The following CACTIN variants were observed in gnomAD, a reference collection of about 807,000 sequenced individuals.
CACTIN encodes the protein cactin, spliceosome C complex subunit.
CACTIN carries 20 observed loss-of-function variants against 84.9 expected under a neutral mutation model. That is an observed-to-expected ratio of 0.24 (90% confidence interval 0.17 to 0.34). The LOEUF is 0.34. Among genes scored for constraint, CACTIN ranks in the 10% least tolerant of loss-of-function variants. CACTIN has a pLI of 1.00. For synonymous variants in CACTIN, 549 were observed against 467.9 expected, an observed-to-expected ratio of 1.17 and a Z score of -2.24; for missense variants, 897 against 1,117.2, an observed-to-expected ratio of 0.80 and a Z score of 2.81.
intron 3 of CACTIN, 163 bp from the exon 4 acceptor site, chr19:3,620,435 G>T: frequency 1.2e-6 from 1 of 845,990 alleles, no homozygotes; most frequent in South Asian, 1.4e-5. Context: ...AAGGGAGAGG[G>T]CCCTCCTGCC....
At chr19:3,612,750 G>A (rs1474006696) in intron 9 of CACTIN, 7 of 697,746 alleles carry the variant, frequency 1.0e-5, no homozygotes, top group South Asian at 7.5e-5. Context: ...TGGCCCAGGG[G>A]TTTTCTGAAG....
At chr19:3,620,613 T>A (rs537587406) in intron 3 of CACTIN, 94 bp downstream of exon 3, 8 of 979,350 alleles carry the variant, frequency 8.2e-6, no homozygotes, top group Non-Finnish European at 1.2e-5. Flanking sequence ...CCCCCAGGAC[T>A]TCCCACTTAA....
At chr19:3,625,188 A>C (rs1257934166) in intron 1 of CACTIN, among the ~76,000 whole-genome samples, 1 of 152,190 alleles carries the variant, frequency 6.6e-6, no homozygotes, top group African/African-American at 2.4e-5. Flanking sequence ...CACTGCGCTC[A>C]GTCACGTTTA....
intron 6 of CACTIN, among the ~76,000 whole-genome samples, chr19:3,618,246 C>T (rs1229786241): frequency 6.7e-6 from 1 of 149,808 alleles, no homozygotes; most frequent in African/African-American, 2.5e-5. Flanking sequence ...CTGGGGACAT[C>T]TGCGGTTGTC....
intron 6 of CACTIN, chr19:3,614,792 G>A (rs1417137224): frequency 3.5e-5 from 21 of 602,152 alleles, no homozygotes; most frequent in Non-Finnish European, 5.9e-5. Flanking sequence ...GCGGAGGTTG[G>A]GAGCCACGTT....
At chr19:3,622,363 CAAAAA>C (rs34766613) in intron 2 of CACTIN, among the ~76,000 whole-genome samples, 83 of 88,148 alleles carry the variant, frequency 9.4e-4, no homozygotes, top group African/African-American at 3.9e-3. Flanking sequence ...GACTCCATCT[CAAAAA>C]AAAAAAAAAA....
chr19:3,614,280 T>C (rs2033054152), intron 7 of CACTIN, 117 bp downstream of exon 7: 6 of 1,083,384 alleles, frequency 5.5e-6, no homozygotes, highest in Non-Finnish European at 6.7e-6. Flanking sequence ...TTCCTGCCCC[T>C]CTCCACCCCA....
chr19:3,626,083 G>T (rs977898852), intron 1 of CACTIN, among the ~76,000 whole-genome samples: 1 of 151,942 alleles, frequency 6.6e-6, no homozygotes, highest in African/African-American at 2.4e-5. Flanking sequence ...CACTTTGCCC[G>T]CTGTGGTTGA....
intron 6 of CACTIN, among the ~76,000 whole-genome samples, chr19:3,618,089 C>A (rs929538923): frequency 6.6e-5 from 10 of 151,428 alleles, no homozygotes; most frequent in African/African-American, 2.4e-4. Flanking sequence ...GGATGCGTGG[C>A]CCATGAGAGC....
In CACTIN at chr19:3,613,146, C is replaced by G. The variant is rs1254401935; in HGVS notation, c.1698G>C (p.Ala566=). Residue 566 remains alanine (A), a synonymous_variant, in exon 9 of 10, where the codon GCG becomes GCC. Transcript: ENST00000429344. ...AGRYSPRLLT[A]HELPLDAHVL... ...CGTGCGCGTCCAGTGGCAGCTCGTG[C>G]GCCGTGAGCAGCCGCGGGCTGTACC... The G allele has an allele frequency of 5.0e-6, 8 of 1,608,548 alleles. No individual in the cohort carries two copies. Among genetic ancestry groups the G allele is most frequent in the Non-Finnish European group, 6.8e-6 (8 of 1,179,050 alleles).
chr19:3,612,562 C>T, intron 9 of CACTIN, 149 bp from the exon 10 acceptor site: 2 of 1,167,464 alleles, frequency 1.7e-6, no homozygotes, highest in Non-Finnish European at 2.3e-6. Context: ...GGGGACAGGG[C>T]CTGGGCGACC....
At chr19:3,612,780 C>T (rs1054639958) in intron 9 of CACTIN, 5 of 701,428 alleles carry the variant, frequency 7.1e-6, no homozygotes, top group Non-Finnish European at 1.3e-5. Context: ...TCTCCTCTGT[C>T]TTAGGACGGA....
rs559024571 is a variant in CACTIN at position 3,613,895 on chromosome 19, C to G, written c.1356-309G>C. 1.0e-3 allele frequency: 492 copies of G among 483,830 alleles called. 8 individuals are homozygous for G. The East Asian group carries it at 0.014, about 14-fold the overall frequency. The allele number at this position is 483,830 out of a possible 1,614,324, so 30.0% of individuals were successfully genotyped here. On this transcript the variant is annotated intron_variant, in intron 7 of 9. Transcript: ENST00000429344. Reference sequence around the variant, plus strand: ...AGAAGGGGCCCAGCAGGACACCAGCCAACAAGCATGATAAATTTAGAGACA... The same window carrying G: ...AGAAGGGGCCCAGCAGGACACCAGCGAACAAGCATGATAAATTTAGAGACA...
At chr19:3,622,432 G>A (rs2033243974) in intron 2 of CACTIN, among the ~76,000 whole-genome samples, 1 of 151,924 alleles carries the variant, frequency 6.6e-6, no homozygotes, top group African/African-American at 2.4e-5. Context: ...TCCTGGAGGT[G>A]GCGGGCCCTC....
intron 1 of CACTIN, among the ~76,000 whole-genome samples, 180 bp downstream of exon 1, chr19:3,626,416 C>T (rs1225029578): frequency 6.6e-6 from 1 of 152,262 alleles, no homozygotes; most frequent in Non-Finnish European, 1.5e-5. Flanking sequence ...CTGCCTGGAA[C>T]GCCTCTCGCC....
intron 3 of CACTIN, 114 bp from the exon 4 acceptor site, chr19:3,620,386 T>C (rs1161935958): frequency 8.1e-7 from 1 of 1,230,434 alleles, no homozygotes; most frequent in Non-Finnish European, 1.2e-6. Context: ...GGCACAGGGA[T>C]TGGTCCGGAG....
intron 2 of CACTIN, among the ~76,000 whole-genome samples, chr19:3,622,053 G>A (rs980902109): frequency 3.9e-5 from 6 of 152,142 alleles, no homozygotes; most frequent in African/African-American, 9.7e-5. Flanking sequence ...CCCTGCAGCT[G>A]TAATCATGAC....
intron 2 of CACTIN, among the ~76,000 whole-genome samples, chr19:3,622,126 G>C (rs973840663): frequency 5.3e-5 from 8 of 152,144 alleles, no homozygotes; most frequent in African/African-American, 1.9e-4. Flanking sequence ...AGCATATTGG[G>C]AGGCCAAGGC....
intron 1 of CACTIN, among the ~76,000 whole-genome samples, chr19:3,624,809 T>C (rs2033300774): frequency 6.6e-6 from 1 of 152,040 alleles, no homozygotes; most frequent in Non-Finnish European, 1.5e-5. Context: ...GAATGGAAGA[T>C]GCACAACCTC....
Sources: gnomAD v4.1 joint callset for allele counts (sites outside exome capture counted in the v4.1 genomes callset) on GRCh38, gnomAD v4.1.1 for gene constraint, MANE v1.5 for transcripts, NCBI Gene and HGNC (gene_info 2026-07-23, HGNC 2026-07-21) for gene names.